DENND2A: variants seen among roughly 807,000 people sequenced by gnomAD.
DENND2A encodes the protein DENN domain-containing protein 2A.
A neutral mutation model predicts 105.3 loss-of-function variants in DENND2A; 53 were observed. That is an observed-to-expected ratio of 0.50 (90% confidence interval 0.40 to 0.63). The LOEUF (loss-of-function observed/expected upper bound fraction) is 0.63, where lower values mean the gene tolerates loss of function less well. Ranked by LOEUF, DENND2A falls within the 30% of genes least tolerant of loss-of-function variation. The pLI, the probability that DENND2A is intolerant of heterozygous loss-of-function variation, is 0.00. For synonymous variants in DENND2A, 522 were observed against 508.4 expected (o/e 1.03, Z -0.36); for missense variants, 1,138 against 1,279.6 (o/e 0.89, Z 1.69).
intron 1 of DENND2A, among the ~76,000 whole-genome samples, chr7:140,616,128 A>G (rs1800077569): frequency 6.6e-6 from 1 of 152,012 alleles, no homozygotes; most frequent in African/African-American, 2.4e-5. Flanking sequence ...GCACTTTGGG[A>G]GGATGATGTG....
rs370836687 is a variant in DENND2A at position 140,601,386 on chromosome 7, G to C, written c.995+17C>G. Reference sequence around the variant, plus strand: ...GAGTCAGGTGGCGACACTCTGCCTGGCCACACCGGCACCTACCTGTGGTCT... The same window carrying C: ...GAGTCAGGTGGCGACACTCTGCCTGCCCACACCGGCACCTACCTGTGGTCT... On this transcript the variant is annotated intron_variant, in intron 3 of 19. Coordinates refer to ENST00000496613, the MANE Select transcript of DENND2A (RefSeq NM_015689.5). The C allele has an allele frequency of 1.5e-5, 24 of 1,555,594 alleles. No homozygotes were observed. In the African/African-American group the frequency reaches 3.3e-4, roughly 21 times the overall value.
At chr7:140,579,872 CTGTAA>C in intron 5 of DENND2A, among the ~76,000 whole-genome samples, 1 of 152,196 alleles carries the variant, frequency 6.6e-6, no homozygotes, top group Admixed American at 6.5e-5. Context: ...TGGCTCACGC[CTGTAA>C]TCCAAGCACT....
At position 140,522,063 on chromosome 7, in the gene DENND2A, T is replaced by C. The variant is rs2130451770; in HGVS notation, c.2703A>G (p.Glu901=). 1.2e-6 allele frequency: 2 copies of C among 1,614,100 alleles called. No individual in the cohort carries two copies. Among genetic ancestry groups the C allele is most frequent in the East Asian group, 4.5e-5 (2 of 44,882 alleles). Residue 901 remains glutamate, a synonymous_variant, in exon 18 of 20, where the codon GAA becomes GAG. Transcript: ENST00000496613. ...TCTCCACGAAGAAGCGGACAAAGGCTTCAGACACCACCTCGTTCAAGGGGC... is the reference window on the plus strand; with the variant it reads ...TCTCCACGAAGAAGCGGACAAAGGCCTCAGACACCACCTCGTTCAAGGGGC... ...ESSPLNEVVS[E]AFVRFFVEIV... is the part of the protein sequence containing the mutation.
intron 12 of DENND2A, among the ~76,000 whole-genome samples, chr7:140,554,609 C>T (rs1797284035): frequency 1.3e-5 from 2 of 152,106 alleles, no homozygotes; most frequent in Non-Finnish European, 2.9e-5. Context: ...ACACTCCGGC[C>T]TGGGTGATAG....
chr7:140,629,211 G>A (rs939068984), intron 1 of DENND2A, among the ~76,000 whole-genome samples: 3 of 152,178 alleles, frequency 2.0e-5, no homozygotes, highest in Middle Eastern at 3.2e-3. Flanking sequence ...AGGTGTGCAG[G>A]AGCGCCATTA....
intron 5 of DENND2A, among the ~76,000 whole-genome samples, chr7:140,578,508 A>G (rs976997659): frequency 2.0e-5 from 3 of 152,188 alleles, no homozygotes; most frequent in African/African-American, 2.4e-5. Flanking sequence ...ACAAACATAC[A>G]TATTTGCTCA....
At chr7:140,526,926 G>A (rs544834504) in intron 15 of DENND2A, among the ~76,000 whole-genome samples, 1 of 152,108 alleles carries the variant, frequency 6.6e-6, no homozygotes, top group Non-Finnish European at 1.5e-5. Flanking sequence ...CCCAGAACTT[G>A]GGGATTAAAA....
At chr7:140,626,922 C>G (rs975611101) in intron 1 of DENND2A, among the ~76,000 whole-genome samples, 8 of 152,112 alleles carry the variant, frequency 5.3e-5, no homozygotes, top group African/African-American at 1.4e-4. Flanking sequence ...TCAGACAGAC[C>G]CAGGTTTAAA....
chr7:140,562,078 C>T (rs558076814), intron 9 of DENND2A, among the ~76,000 whole-genome samples: 47 of 151,784 alleles, frequency 3.1e-4, no homozygotes, highest in South Asian at 2.7e-3. Flanking sequence ...TTAATAGAGG[C>T]GGGGCTTCAC....
At chr7:140,566,128 T>A (rs1295522194) in intron 9 of DENND2A, among the ~76,000 whole-genome samples, 1 of 152,080 alleles carries the variant, frequency 6.6e-6, no homozygotes, top group Non-Finnish European at 1.5e-5. Flanking sequence ...GCCTCCTGAG[T>A]TCAAGCGATT....
chr7:140,613,714 C>G (rs963066238), intron 1 of DENND2A, among the ~76,000 whole-genome samples: 3 of 147,570 alleles, frequency 2.0e-5, no homozygotes, highest in Non-Finnish European at 4.4e-5. Context: ...GATTGTGAAA[C>G]AAAAATAAAA....
chr7:140,539,451 C>A (rs1264526011), intron 14 of DENND2A, among the ~76,000 whole-genome samples: 1 of 152,188 alleles, frequency 6.6e-6, no homozygotes, highest in Non-Finnish European at 1.5e-5. Flanking sequence ...CTGCTGAGCA[C>A]AAAGCGGGTC....
chr7:140,626,771 A>G (rs1210485202), intron 1 of DENND2A, among the ~76,000 whole-genome samples: 1 of 152,180 alleles, frequency 6.6e-6, no homozygotes, highest in Non-Finnish European at 1.5e-5. Context: ...GCAATCTTAG[A>G]GGGAGACGTC....
At position 140,624,528 on chromosome 7, in the gene DENND2A, C is replaced by T. The variant is rs796786037; in HGVS notation, c.-248+15976G>A. Among the ~76,000 whole-genome samples the T allele has an allele frequency of 5.9e-5, 9 of 152,294 alleles. 1 individual carries two copies. The highest frequency in any genetic ancestry group is 1.9e-4 in the African/African-American group (8 of 41,560). ...GCTCACCTAGCCTGTCACCTGGCCA[C>T]ATGGTGGCAGAGGTAGAAGCAGAAC... is the stretch of plus-strand genomic sequence containing the variant. On this transcript the variant is annotated intron_variant, in intron 1 of 19. Coordinates refer to ENST00000496613, the MANE Select transcript of DENND2A (RefSeq NM_015689.5).
intron 5 of DENND2A, among the ~76,000 whole-genome samples, chr7:140,577,477 A>T (rs1798350796): frequency 6.6e-6 from 1 of 151,178 alleles, no homozygotes; most frequent in Non-Finnish European, 1.5e-5. Flanking sequence ...GGCTAACTGC[A>T]ACCTCCACCT....
At chr7:140,618,165 T>C (rs552901284) in intron 1 of DENND2A, among the ~76,000 whole-genome samples, 2 of 152,302 alleles carry the variant, frequency 1.3e-5, no homozygotes, top group African/African-American at 4.8e-5. Flanking sequence ...TCAAGGCTAG[T>C]ATGAGTTTGC....
chr7:140,535,834 G>A (rs539976674), intron 14 of DENND2A, among the ~76,000 whole-genome samples: 2 of 151,874 alleles, frequency 1.3e-5, no homozygotes, highest in East Asian at 1.9e-4. Flanking sequence ...CACCTGCCTC[G>A]GCCTCCCAAA....
intron 12 of DENND2A, among the ~76,000 whole-genome samples, chr7:140,548,605 T>C (rs1368660552): frequency 6.6e-6 from 1 of 150,770 alleles, no homozygotes; most frequent in Non-Finnish European, 1.5e-5. Context: ...TCAGAGGTTT[T>C]TTTACTTTAT....
Position 140,585,851 on chromosome 7 carries a change from T to A in DENND2A, c.1124-141A>T. On this transcript the variant is annotated intron_variant, in intron 4 of 19. Transcript: ENST00000496613. ...TGTTTTGCCATCCATGCGCCCCTCC[T>A]GTTGGCAGCAGTCTCTGATTTCACT... 7 of 1,205,216 alleles carry A rather than the reference T, an allele frequency of 5.8e-6. No individual in the cohort carries two copies. In the East Asian group the frequency reaches 7.2e-5, roughly 12 times the overall value. 74.7% of individuals were successfully genotyped at this position (1,205,216 alleles called of 1,614,324 possible).
Sources: gnomAD v4.1 joint callset for allele counts (sites outside exome capture counted in the v4.1 genomes callset) on GRCh38, gnomAD v4.1.1 for gene constraint, MANE v1.5 for transcripts, NCBI Gene and HGNC (gene_info 2026-07-23, HGNC 2026-07-21) for gene names.